Variants in CELF6 observed in about 807,000 individuals in gnomAD.
CELF6 encodes Bruno -like 6, RNA binding protein.
In CELF6, 32 loss-of-function variants were observed where a neutral mutation model predicts 53.1. That is an observed-to-expected ratio of 0.60 (90% CI 0.46 to 0.81). CELF6 has a LOEUF of 0.81. Ranked by LOEUF, CELF6 falls within the 30% of genes least tolerant of loss-of-function variation. CELF6 has a pLI of 0.00. For missense variants in CELF6, 539 were observed against 669.5 expected (o/e 0.81, Z 2.15); for synonymous variants, 291 against 288.8 (o/e 1.01, Z -0.08).
At chr15:72,299,241 C>T (rs1008710317) in intron 3 of CELF6, among the ~76,000 whole-genome samples, 1 of 151,294 alleles carries the variant, frequency 6.6e-6, no homozygotes, top group Admixed American at 6.6e-5. Flanking sequence ...ATTTCAAAAA[C>T]AAAACAAAAC....
At chr15:72,305,149 G>A (rs2088209974) in intron 2 of CELF6, among the ~76,000 whole-genome samples, 1 of 152,156 alleles carries the variant, frequency 6.6e-6, no homozygotes, top group South Asian at 2.1e-4. Flanking sequence ...TTGGGAAGGA[G>A]GGTAGAATTG....
At chr15:72,292,366 G>A (rs1437988202) in intron 3 of CELF6, 6 of 765,622 alleles carry the variant, frequency 7.8e-6, no homozygotes, top group African/African-American at 5.3e-5. Context: ...ATCAAACCCC[G>A]AAAGACCATG....
intron 3 of CELF6, among the ~76,000 whole-genome samples, chr15:72,297,815 A>G (rs1175554580): frequency 6.6e-6 from 1 of 152,226 alleles, no homozygotes; most frequent in African/African-American, 2.4e-5. Flanking sequence ...AGGATTGGTT[A>G]TACAATGTGA....
rs1192380241 is a variant in CELF6, at chr15:72,288,592, C to G, written c.1120G>C (p.Val374Leu). The G allele has an allele frequency of 6.3e-7, 1 of 1,577,802 alleles. No homozygotes were observed. The highest frequency in any genetic ancestry group is 1.2e-5 in the South Asian group (1 of 84,238). ...GGCTGCTGGGGAAAAGCTGTGCTCA[C>G]TGGGGCATAGGCCGACGGATAGGCT... The part of the protein sequence containing the change: ...AAAYPSAYAP[V>L]STAFPQQPSA... The change falls in exon 10 of 13, where the codon GTG becomes CTG. Residue 374 changes from valine to leucine, a missense_variant. By Grantham distance (32) the Val-to-Leu change is conservative. Around this residue, in one of 3 missense-constraint regions of CELF6, gnomAD observed 358 missense variants for 412.8 expected, o/e 0.87. Coordinates refer to ENST00000287202, the MANE Select transcript of CELF6 (RefSeq NM_052840.5). This position sits in a 1 kb window ranked among gnomAD's most constrained non-coding sequence, Gnocchi z 4.6.
Position 72,289,747 on chromosome 15 carries a change from G to A in CELF6, c.627C>T (p.Val209=), listed in dbSNP as rs1166747648. The A allele has an allele frequency of 3.4e-6, 5 of 1,463,138 alleles. No homozygotes were observed. In the African/African-American group the frequency reaches 4.3e-5, roughly 13 times the overall value. 90.6% of individuals were successfully genotyped at this position (1,463,138 alleles called of 1,614,324 possible). The part of the protein sequence containing the change: ...TMAGASSSLV[V]KLADTDRERA... ...GCTCCCGGTCGGTGTCCGCCAGCTTGACCACGAGGCTGGACGAGGCGCCCT... is the reference window on the plus strand; with the variant it reads ...GCTCCCGGTCGGTGTCCGCCAGCTTAACCACGAGGCTGGACGAGGCGCCCT... Residue 209 remains valine, a synonymous_variant, in exon 6 of 13, where the codon GTC becomes GTT. Transcript: ENST00000287202. The surrounding 1 kb of genome is among the most constrained non-coding windows in gnomAD (Gnocchi z 7.6).
chr15:72,300,087 G>A (rs2088132374), intron 3 of CELF6, among the ~76,000 whole-genome samples: 1 of 152,174 alleles, frequency 6.6e-6, no homozygotes, highest in Non-Finnish European at 1.5e-5. Context: ...GGGCACGGTG[G>A]TTCTTGCCTG....
At position 72,289,395 on chromosome 15, in the gene CELF6, G is replaced by A; in HGVS notation, c.860C>T (p.Ala287Val). The change falls in exon 7 of 13, where the codon GCG becomes GTG. Residue 287 changes from alanine to valine, a missense_variant. By Grantham distance (64) the Ala-to-Val change is moderately conservative (BLOSUM62 0). Around this residue, in one of 3 missense-constraint regions of CELF6, gnomAD observed 358 missense variants for 412.8 expected, o/e 0.87. Transcript: ENST00000287202. This position sits in a 1 kb window ranked among gnomAD's most constrained non-coding sequence, Gnocchi z 7.6. ...CGTACCTGCCGCGGGCAACAGAGGCGCAGCTACCAGGCTAAAGGCCGCCAC... is the reference window on the plus strand; with the variant it reads ...CGTACCTGCCGCGGGCAACAGAGGCACAGCTACCAGGCTAAAGGCCGCCAC... The part of the protein sequence containing the change: ...QHVAAFSLVA[A>V]PLLPAAAANS... 6.4e-7 allele frequency: 1 copy of A among 1,555,200 alleles called. No individual in the cohort carries two copies. Among genetic ancestry groups the A allele is most frequent in the Non-Finnish European group, 8.6e-7 (1 of 1,158,956 alleles).
rs1175621117 is a variant in CELF6, at chr15:72,316,017, C to T, written c.263-90G>A. Reference sequence around the variant, plus strand: ...CCCACTAAGTTGACAAACTTAAGGCCACTCTCCTTTAAGCAAGGACTCTGC... The same window carrying T: ...CCCACTAAGTTGACAAACTTAAGGCTACTCTCCTTTAAGCAAGGACTCTGC... On this transcript the variant is annotated intron_variant, in intron 1 of 12. Transcript: ENST00000287202. 12 of 839,702 alleles carry T rather than the reference C, an allele frequency of 1.4e-5. No individual in the cohort carries two copies. In the Admixed American group the frequency reaches 2.6e-4, roughly 18 times the overall value. The allele number at this position is 839,702 out of a possible 1,614,324, so 52.0% of individuals were successfully genotyped here.
intron 3 of CELF6, chr15:72,292,197 C>T (rs919277358): frequency 1.3e-6 from 2 of 1,534,496 alleles, no homozygotes; most frequent in Non-Finnish European, 1.7e-6. Context: ...AAATTACTGA[C>T]CTAGAAGATA....
At position 72,289,090 on chromosome 15, in the gene CELF6, C is replaced by G; in HGVS notation, c.1030+48G>C. ...AGCCAGGCCCTAACCCCCCACCCCC[C>G]GCTCCCCACTCCATTTCGGGGGGAT... On this transcript the variant is annotated intron_variant, in intron 8 of 12. Coordinates refer to ENST00000287202, the MANE Select transcript of CELF6 (RefSeq NM_052840.5). The surrounding 1 kb of genome is among the most constrained non-coding windows in gnomAD (Gnocchi z 7.6). 1 of 1,423,726 alleles carries G rather than the reference C, an allele frequency of 7.0e-7. No individual in the cohort carries two copies. The highest frequency in any genetic ancestry group is 1.4e-5 in the South Asian group (1 of 69,714). 88.2% of individuals were successfully genotyped at this position (1,423,726 alleles called of 1,614,324 possible).
At chr15:72,317,967 A>G (rs2088382245) in intron 1 of CELF6, among the ~76,000 whole-genome samples, 1 of 152,206 alleles carries the variant, frequency 6.6e-6, no homozygotes, top group Non-Finnish European at 1.5e-5. Context: ...AGCTAAATGA[A>G]AAGAGAGAGG....
chr15:72,307,063 G>T (rs2140302181), intron 2 of CELF6, among the ~76,000 whole-genome samples: 1 of 152,164 alleles, frequency 6.6e-6, no homozygotes, highest in African/African-American at 2.4e-5. Flanking sequence ...TAGAAGCCTG[G>T]GGTGGGGGGC....
rs2087951672 is a variant in CELF6 at position 72,288,546 on chromosome 15, TGCTGCTGGGGCAGGGCTGAAG to T, written c.1145_1165del (p.Pro382_Gln388del). On this transcript the variant is annotated inframe_deletion, in exon 10 of 13. Coordinates refer to ENST00000287202, the MANE Select transcript of CELF6 (RefSeq NM_052840.5). This position sits in a 1 kb window ranked among gnomAD's most constrained non-coding sequence, Gnocchi z 4.6. ...AGCCCCCAGTCCCTCACCTTCTCTC[TGCTGCTGGGGCAGGGCTGAAG>T]GCTGCTGGGGAAAAGCTGTGCTCAC... 6.2e-7 allele frequency: 1 copy of T among 1,604,620 alleles called. No individual in the cohort carries two copies. The highest frequency in any genetic ancestry group is 8.5e-7 in the Non-Finnish European group (1 of 1,174,426).
intron 3 of CELF6, among the ~76,000 whole-genome samples, chr15:72,300,461 T>C (rs1183005580): frequency 1.3e-5 from 2 of 151,964 alleles, no homozygotes; most frequent in Non-Finnish European, 2.9e-5. Flanking sequence ...ACAAACCTCA[T>C]GTTTATTGAT....
chr15:72,289,469 C>T lies in CELF6; in HGVS notation c.786G>A (p.Gln262=). 1.3e-6 allele frequency: 2 copies of T among 1,533,446 alleles called. No individual in the cohort carries two copies. The allele number at this position is 1,533,446 out of a possible 1,614,324, so 95.0% of individuals were successfully genotyped here. A position where few individuals can be genotyped will look rare whatever the true frequency, so the allele number is the denominator to read the frequency against. Residue 262 remains glutamine, a synonymous_variant, in exon 7 of 13, where the codon CAG becomes CAA. Coordinates refer to ENST00000287202, the MANE Select transcript of CELF6 (RefSeq NM_052840.5). The surrounding 1 kb of genome is among the most constrained non-coding windows in gnomAD (Gnocchi z 7.6). ...CCGCCACCGGGCCTAGGCCTGGGCCCTGTGCCGCCGCCAGCAGGGCCGCCT... is the reference window on the plus strand; with the variant it reads ...CCGCCACCGGGCCTAGGCCTGGGCCTTGTGCCGCCGCCAGCAGGGCCGCCT... The part of the protein sequence containing the change: ...QHQAALLAAA[Q]GPGLGPVAAV...
Position 72,319,974 on chromosome 15 carries a change from C to G in CELF6, c.-100G>C, listed in dbSNP as rs2088409065. 7.6e-7 allele frequency: 1 copy of G among 1,324,432 alleles called. No homozygotes were observed. Among genetic ancestry groups the G allele is most frequent in the African/African-American group, 1.6e-5 (1 of 63,602 alleles). The allele number at this position is 1,324,432 out of a possible 1,614,324, so 82.0% of individuals were successfully genotyped here. ...CGAGGGCCAGGGGGAGGGGGCGGAG[C>G]CCGGGCGGAGAGGGCGGGGGGCTGC... On this transcript the variant is annotated 5_prime_UTR_variant, in exon 1 of 13. Coordinates refer to ENST00000287202, the MANE Select transcript of CELF6 (RefSeq NM_052840.5). This position sits in a 1 kb window ranked among gnomAD's most constrained non-coding sequence, Gnocchi z 5.0.
chr15:72,294,452 A>G (rs1462952974), intron 3 of CELF6, among the ~76,000 whole-genome samples: 1 of 152,190 alleles, frequency 6.6e-6, no homozygotes, highest in Non-Finnish European at 1.5e-5. Flanking sequence ...TGATACTCTT[A>G]GTGACGACTG....
At chr15:72,314,984 C>G (rs1183777580) in intron 2 of CELF6, among the ~76,000 whole-genome samples, 2 of 152,200 alleles carry the variant, frequency 1.3e-5, no homozygotes, top group East Asian at 1.9e-4. Context: ...ATCATCCCAA[C>G]TCTTCCAAAC....
chr15:72,293,913 C>T (rs1289075635), intron 3 of CELF6, among the ~76,000 whole-genome samples: 1 of 151,302 alleles, frequency 6.6e-6, no homozygotes, highest in East Asian at 2.0e-4. Flanking sequence ...ATGCTGGTCT[C>T]AAACTCCTGA....
Sources: gnomAD v4.1 joint callset for allele counts (sites outside exome capture counted in the v4.1 genomes callset) on GRCh38, gnomAD v4.1.1 for gene constraint, gnomAD v4.1.1 regional missense constraint, Gnocchi (gnomAD v3.1) non-coding constraint, MANE v1.5 for transcripts, NCBI Gene and HGNC (gene_info 2026-07-23, HGNC 2026-07-21) for gene names.